NXPE2: variants seen among roughly 807,000 people sequenced by gnomAD.
NXPE2 encodes the protein NXPE family member 2.
A neutral mutation model predicts 34.4 loss-of-function variants in NXPE2; 34 were observed. The ratio of observed to expected loss-of-function variants is 0.99; its 90% CI spans 0.75 to 1.31. NXPE2 has a LOEUF of 1.31. Ranked by LOEUF, NXPE2 falls within the 40% of genes most tolerant of loss-of-function variation. The pLI, the probability that NXPE2 is intolerant of heterozygous loss-of-function variation, is 0.00. For missense variants in NXPE2, 649 were observed against 672.5 expected, an observed-to-expected ratio of 0.97 and a Z score of 0.39; for synonymous variants, 235 against 231.3, an observed-to-expected ratio of 1.02 and a Z score of -0.15.
At chr11:114,524,326 G>A in the NXPE2 span, among the ~76,000 whole-genome samples, 1 of 152,198 alleles carries the variant, frequency 6.6e-6, no homozygotes, top group East Asian at 1.9e-4. Flanking sequence ...GGAACCATCA[G>A]CAGTTTCTGC....
the NXPE2 span, among the ~76,000 whole-genome samples, chr11:114,567,237 A>C: frequency 6.6e-6 from 1 of 151,988 alleles, no homozygotes; most frequent in East Asian, 1.9e-4. Context: ...CCTGTATGTG[A>C]AGGCCTACTG....
chr11:114,753,294 G>A, the NXPE2 span, among the ~76,000 whole-genome samples: 5 of 152,114 alleles, frequency 3.3e-5, no homozygotes, highest in Non-Finnish European at 7.3e-5. Context: ...TCGGAAGGCT[G>A]ACCAGGGAGG....
At chr11:114,577,114 C>CAT in the NXPE2 span, among the ~76,000 whole-genome samples, 1 of 132,122 alleles carries the variant, frequency 7.6e-6, no homozygotes, top group South Asian at 2.4e-4. Context: ...TATATATACA[C>CAT]ATATATATAA....
the NXPE2 span, among the ~76,000 whole-genome samples, chr11:114,480,444 C>T: frequency 1.3e-5 from 2 of 152,104 alleles, no homozygotes; most frequent in Non-Finnish European, 2.9e-5. Flanking sequence ...GCTAAAAAGA[C>T]GTTAATCTGG....
the NXPE2 span, among the ~76,000 whole-genome samples, chr11:114,631,453 C>G: frequency 7.1e-6 from 1 of 141,550 alleles, no homozygotes; most frequent in South Asian, 2.2e-4. Context: ...TATTCTCACT[C>G]ATAGGTGGGA....
the NXPE2 span, among the ~76,000 whole-genome samples, chr11:114,632,918 T>C: frequency 4.2e-5 from 4 of 95,330 alleles, no homozygotes; most frequent in Admixed American, 1.7e-4. Flanking sequence ...TATTATATTT[T>C]ATATAATTAT....
At chr11:114,709,419 G>T (rs1859568757), downstream of NXPE2, among the ~76,000 whole-genome samples, 1 of 152,104 alleles carries the variant, frequency 6.6e-6, no homozygotes, top group African/African-American at 2.4e-5. Flanking sequence ...ATTTTTTAAA[G>T]AAATTCTGGT....
chr11:114,575,614 A>C, the NXPE2 span, among the ~76,000 whole-genome samples: 3 of 152,142 alleles, frequency 2.0e-5, no homozygotes, highest in Middle Eastern at 6.8e-3. Flanking sequence ...AAAATAAAAT[A>C]AAATAAAAAC....
the NXPE2 span, among the ~76,000 whole-genome samples, chr11:114,508,955 A>T: frequency 2.0e-5 from 3 of 151,938 alleles, no homozygotes; most frequent in Admixed American, 2.0e-4. Context: ...AACCCTATCA[A>T]CACAGTAAGC....
chr11:114,810,689 C>T, the NXPE2 span, among the ~76,000 whole-genome samples: 1 of 152,096 alleles, frequency 6.6e-6, no homozygotes. Context: ...CAGGAAACAA[C>T]AGGTGCTGGA....
At chr11:114,563,631 A>T in the NXPE2 span, among the ~76,000 whole-genome samples, 1 of 149,416 alleles carries the variant, frequency 6.7e-6, no homozygotes, top group Non-Finnish European at 1.5e-5. Flanking sequence ...GCAAGAAAAA[A>T]ACAAACAGTC....
chr11:114,514,520 C>T, the NXPE2 span, among the ~76,000 whole-genome samples: 1 of 151,986 alleles, frequency 6.6e-6, no homozygotes, highest in Non-Finnish European at 1.5e-5. Context: ...TCCCAGGTAG[C>T]TGGGACCATC....
the NXPE2 span, among the ~76,000 whole-genome samples, chr11:114,494,924 G>A: frequency 5.9e-5 from 9 of 152,176 alleles, no homozygotes; most frequent in Admixed American, 1.3e-4. Flanking sequence ...TGGCTTTAGG[G>A]CACACCCTAA....
the NXPE2 span, among the ~76,000 whole-genome samples, chr11:114,653,280 G>C: frequency 6.6e-6 from 1 of 152,156 alleles, no homozygotes; most frequent in African/African-American, 2.4e-5. Context: ...TTCTATAAGG[G>C]CTGAGCCCCA....
chr11:114,759,712 T>G, the NXPE2 span, among the ~76,000 whole-genome samples: 2 of 152,252 alleles, frequency 1.3e-5, no homozygotes, highest in Admixed American at 6.5e-5. Context: ...TTAGAGATTA[T>G]GTTCTAATTT....
At chr11:114,775,278 CCTCCCT>C in the NXPE2 span, among the ~76,000 whole-genome samples, 2 of 152,130 alleles carry the variant, frequency 1.3e-5, no homozygotes, top group African/African-American at 4.8e-5. Context: ...CCAGGGTTTG[CCTCCCT>C]CTGCTAGACA....
chr11:114,811,178 A>C, the NXPE2 span, among the ~76,000 whole-genome samples: 4 of 107,484 alleles, frequency 3.7e-5, no homozygotes, highest in Non-Finnish European at 6.9e-5. Context: ...CACACCAGGG[A>C]CTGTTGTGGG....
chr11:114,746,776 G>A, the NXPE2 span, among the ~76,000 whole-genome samples: 4 of 151,914 alleles, frequency 2.6e-5, no homozygotes, highest in Non-Finnish European at 4.4e-5. Flanking sequence ...GCTTGAACCC[G>A]GAATGTGGAG....
the NXPE2 span, chr11:114,595,543 A>C: frequency 1.3e-5 from 2 of 152,292 alleles, no homozygotes; most frequent in Non-Finnish European, 2.9e-5. Flanking sequence ...CCCAAAAATA[A>C]ATGTCACACC....
Sources: allele counts gnomAD v4.1 joint callset (sites outside exome capture counted in the v4.1 genomes callset), GRCh38; gene constraint gnomAD v4.1.1; transcripts MANE v1.5; gene names NCBI Gene and HGNC (gene_info 2026-07-23, HGNC 2026-07-21).